CRTAC1: variants seen among roughly 807,000 people sequenced by gnomAD.
CRTAC1 encodes the protein cartilage acidic protein 1, also known as acidic secreted protein in cartilage.
CRTAC1 carries 37 observed loss-of-function variants against 67.8 expected under a neutral mutation model. That is an observed-to-expected ratio of 0.55 (90% CI 0.42 to 0.72). The LOEUF (loss-of-function observed/expected upper bound fraction) is 0.72, where lower values mean the gene tolerates loss of function less well. Among genes scored for constraint, CRTAC1 ranks in the 30% least tolerant of loss-of-function variants. The probability of loss-of-function intolerance (pLI) is 0.00; values close to 1 mark genes in which losing one functional copy is unlikely to be tolerated. For missense variants in CRTAC1, 780 were observed against 931.6 expected, an observed-to-expected ratio of 0.84 and a Z score of 2.12; for synonymous variants, 348 against 371.0, an observed-to-expected ratio of 0.94 and a Z score of 0.71.
chr10:97,920,076 C>T (rs2050815732), intron 4 of CRTAC1, among the ~76,000 whole-genome samples: 1 of 152,046 alleles, frequency 6.6e-6, no homozygotes, highest in African/African-American at 2.4e-5. Context: ...TAGGGGAGAA[C>T]TTTGAGAAGT....
chr10:97,893,748 T>C (rs1378104027), intron 11 of CRTAC1, among the ~76,000 whole-genome samples: 1 of 151,938 alleles, frequency 6.6e-6, no homozygotes, highest in Non-Finnish European at 1.5e-5. Flanking sequence ...CACCCACCCC[T>C]CTCTCTTCCA....
At chr10:97,904,844 C>A (rs7084675) in intron 6 of CRTAC1, 30 bp from the exon 7 acceptor site, 4 of 1,580,912 alleles carry the variant, frequency 2.5e-6, no homozygotes, top group Non-Finnish European at 2.6e-6. Flanking sequence ...ACTCTCAGGG[C>A]GGCATCCCCT....
intron 8 of CRTAC1, among the ~76,000 whole-genome samples, chr10:97,898,007 T>C (rs1421064593): frequency 6.6e-6 from 1 of 152,126 alleles, no homozygotes; most frequent in African/African-American, 2.4e-5. Context: ...CCCCATGAGG[T>C]GGGCTTGTGT....
chr10:97,986,960 G>T (rs901553777), intron 2 of CRTAC1, among the ~76,000 whole-genome samples: 2 of 152,194 alleles, frequency 1.3e-5, no homozygotes, highest in African/African-American at 4.8e-5. Context: ...TTGGTACATT[G>T]CAGGTGCTCA....
intron 2 of CRTAC1, among the ~76,000 whole-genome samples, chr10:97,965,610 T>C (rs1246639217): frequency 6.6e-6 from 1 of 151,954 alleles, no homozygotes; most frequent in Non-Finnish European, 1.5e-5. Flanking sequence ...GTAATGGAGT[T>C]GTTGTTTTTT....
At chr10:97,980,706 C>G (rs2051879789) in intron 2 of CRTAC1, among the ~76,000 whole-genome samples, 1 of 152,196 alleles carries the variant, frequency 6.6e-6, no homozygotes, top group Non-Finnish European at 1.5e-5. Flanking sequence ...CACCTATGCA[C>G]CAGAGCAGAG....
chr10:97,868,204 A>G (rs1488900309), intron 14 of CRTAC1: 1 of 152,230 alleles, frequency 6.6e-6, no homozygotes, highest in Admixed American at 6.5e-5. Flanking sequence ...TTTATTGAGC[A>G]CCTACTATGT....
intron 2 of CRTAC1, among the ~76,000 whole-genome samples, chr10:97,944,998 C>T (rs556450890): frequency 6.6e-6 from 1 of 152,300 alleles, no homozygotes; most frequent in East Asian, 1.9e-4. Context: ...GAGCCCTTTC[C>T]AAATTCCTGA....
Position 97,943,798 on chromosome 10 carries a change from A to C in CRTAC1, c.225-7432T>G, listed in dbSNP as rs557061781. Among the ~76,000 whole-genome samples, 3 of 152,364 alleles carry C rather than the reference A, an allele frequency of 2.0e-5. No homozygotes were observed. The East Asian group carries it at 5.8e-4, about 29-fold the overall frequency. On this transcript the variant is annotated intron_variant, in intron 2 of 14. Transcript: ENST00000370597. ...TACTATCTATGGCTGCTTTTGCTAA[A>C]TATTGAAGTTGATTAATTGCAATAG...
chr10:98,030,494 G>T lies in CRTAC1; in HGVS notation c.-22C>A. ...CCATCCTCCCGCTCTCGGCCCCGCC[G>T]CCTAGGGGCGTGGGAAGCGGGCGCT... On this transcript the variant is annotated 5_prime_UTR_variant, in exon 1 of 15. Transcript: ENST00000370597. The surrounding 1 kb of genome is among the most constrained non-coding windows in gnomAD (Gnocchi z 4.2). 1 of 1,244,770 alleles carries T rather than the reference G, an allele frequency of 8.0e-7. No individual in the cohort carries two copies. The allele number at this position is 1,244,770 out of a possible 1,614,324, so 77.1% of individuals were successfully genotyped here. A position where few individuals can be genotyped will look rare whatever the true frequency, so the allele number is the denominator to read the frequency against.
intron 14 of CRTAC1, among the ~76,000 whole-genome samples, chr10:97,874,178 C>G (rs2050121802): frequency 6.6e-6 from 1 of 152,180 alleles, no homozygotes; most frequent in South Asian, 2.1e-4. Flanking sequence ...GGGAAAGTTG[C>G]AGCTCCTTTT....
chr10:98,017,971 C>A (rs1445100230), intron 1 of CRTAC1, among the ~76,000 whole-genome samples: 3 of 151,348 alleles, frequency 2.0e-5, no homozygotes, highest in African/African-American at 7.3e-5. Flanking sequence ...CCGAGGCAGG[C>A]GGATTGCTTG....
At chr10:97,889,292 T>G (rs1590184327) in intron 11 of CRTAC1, among the ~76,000 whole-genome samples, 7 of 139,754 alleles carry the variant, frequency 5.0e-5, no homozygotes, top group South Asian at 5.1e-4. Flanking sequence ...AAGTGGAGGG[T>G]GGGCATGTGG....
intron 2 of CRTAC1, among the ~76,000 whole-genome samples, chr10:97,970,138 T>C (rs1413849330): frequency 6.6e-6 from 1 of 152,128 alleles, no homozygotes; most frequent in Non-Finnish European, 1.5e-5. Context: ...TCCTCTCCCA[T>C]CCCATACCCA....
At chr10:98,023,392 C>T (rs902142244) in intron 1 of CRTAC1, among the ~76,000 whole-genome samples, 8 of 152,200 alleles carry the variant, frequency 5.3e-5, no homozygotes, top group Non-Finnish European at 2.9e-5. Context: ...CCAACATTCA[C>T]TTACTCATTT....
In CRTAC1 at chr10:97,865,546, G is replaced by A; in HGVS notation, c.*2C>T. On this transcript the variant is annotated 3_prime_UTR_variant, in exon 15 of 15. Transcript: ENST00000370597. Reference sequence around the variant, plus strand: ...ATCCGCTGGTTCATGTCCCACCCCTGCTCAGCAGCTGGGCTCGCAGCTCTC... The same window carrying A: ...ATCCGCTGGTTCATGTCCCACCCCTACTCAGCAGCTGGGCTCGCAGCTCTC... 6.2e-7 allele frequency: 1 copy of A among 1,605,374 alleles called. No homozygotes were observed. Among genetic ancestry groups the A allele is most frequent in the Non-Finnish European group, 8.5e-7 (1 of 1,173,666 alleles).
chr10:97,917,426 G>C, intron 5 of CRTAC1, 74 bp downstream of exon 5: 2 of 1,260,212 alleles, frequency 1.6e-6, no homozygotes, highest in Non-Finnish European at 2.1e-6. Flanking sequence ...TGATGAATTA[G>C]ACTCAGCCTT....
At chr10:97,998,545 A>G (rs1842628668) in intron 2 of CRTAC1, among the ~76,000 whole-genome samples, 1 of 152,352 alleles carries the variant, frequency 6.6e-6, no homozygotes, top group African/African-American at 2.4e-5. Flanking sequence ...GTGCATACAG[A>G]AAAAGGTTCT....
intron 3 of CRTAC1, among the ~76,000 whole-genome samples, chr10:97,930,896 A>G (rs2050993741): frequency 1.3e-5 from 2 of 148,448 alleles, no homozygotes; most frequent in Non-Finnish European, 1.5e-5. Flanking sequence ...AATTTTCCAC[A>G]TTACAACATC....
Sources: allele counts gnomAD v4.1 joint callset (sites outside exome capture counted in the v4.1 genomes callset), GRCh38; gene constraint gnomAD v4.1.1; non-coding constraint Gnocchi (gnomAD v3.1); transcripts MANE v1.5; gene names NCBI Gene and HGNC (gene_info 2026-07-23, HGNC 2026-07-21).